Variants in YES1 observed in about 807,000 individuals in gnomAD.
YES1 encodes the protein YES proto-oncogene 1, Src family tyrosine kinase.
In YES1, 39 loss-of-function variants were observed where a neutral mutation model predicts 70.4. That is an observed-to-expected ratio of 0.55 (90% CI 0.43 to 0.72). The LOEUF (loss-of-function observed/expected upper bound fraction) is 0.72, where lower values mean the gene tolerates loss of function less well. YES1 is among the 30% of genes least tolerant of loss of function. The probability of loss-of-function intolerance (pLI) is 0.00; values close to 1 mark genes in which losing one functional copy is unlikely to be tolerated. For synonymous variants in YES1, 198 were observed against 218.6 expected (o/e 0.91, Z 0.83); for missense variants, 495 against 644.8 (o/e 0.77, Z 2.52).
chr18:778,453 C>T lies in YES1; in HGVS notation c.-8-21618G>A, dbSNP rs531851513. Among the ~76,000 whole-genome samples the T allele has an allele frequency of 2.9e-4, 44 of 152,260 alleles. 1 individual carries two copies. The highest frequency in any genetic ancestry group is 1.0e-3 in the African/African-American group (42 of 41,546). On this transcript the variant is annotated intron_variant, in intron 1 of 11. Transcript: ENST00000314574. ...GTTGCCTTATTATTAGTAACAGTGA[C>T]TAAAAATTTTCAAATGATTTAACAC...
upstream of YES1, chr18:812,371 G>C (rs1480768800): frequency 2.0e-5 from 3 of 151,798 alleles, no homozygotes; most frequent in Admixed American, 2.0e-4. Context: ...GCGGGGGCGG[G>C]GGCTGCGGGT....
intron 3 of YES1, among the ~76,000 whole-genome samples, chr18:748,619 T>C (rs1268199186): frequency 1.3e-5 from 2 of 152,214 alleles, no homozygotes; most frequent in Non-Finnish European, 2.9e-5. Context: ...ATGCACCTTA[T>C]ATAAATGAAA....
chr18:792,847 T>A (rs1288748100), intron 1 of YES1, among the ~76,000 whole-genome samples: 3 of 133,530 alleles, frequency 2.2e-5, no homozygotes, highest in Non-Finnish European at 4.7e-5. Flanking sequence ...GTTATTTATC[T>A]CAATAAAAGC....
intron 1 of YES1, among the ~76,000 whole-genome samples, chr18:766,379 CTTGTTA>C (rs769305305): frequency 2.6e-5 from 4 of 152,154 alleles, no homozygotes; most frequent in South Asian, 2.1e-4. Context: ...ATCCTTAAGA[CTTGTTA>C]TTAACACTTT....
chr18:735,551 T>C (rs1489382488), intron 10 of YES1, among the ~76,000 whole-genome samples: 3 of 151,640 alleles, frequency 2.0e-5, no homozygotes, highest in African/African-American at 7.3e-5. Flanking sequence ...CCGTCTCTAC[T>C]GAAAATACAA....
At chr18:800,416 C>A (rs115585926) in intron 1 of YES1, among the ~76,000 whole-genome samples, 18 of 152,276 alleles carry the variant, frequency 1.2e-4, no homozygotes, top group African/African-American at 3.6e-4. Context: ...AACAGCAGTT[C>A]GAAACCTATC....
intron 1 of YES1, among the ~76,000 whole-genome samples, chr18:778,219 G>A (rs1248593940): frequency 1.3e-5 from 2 of 152,222 alleles, no homozygotes; most frequent in Non-Finnish European, 2.9e-5. Context: ...CAGGTCTTCT[G>A]ACTTCTATAC....
At chr18:740,355 C>A (rs1276690248) in intron 8 of YES1, among the ~76,000 whole-genome samples, 1 of 152,128 alleles carries the variant, frequency 6.6e-6, no homozygotes, top group African/African-American at 2.4e-5. Context: ...CACACAAAAC[C>A]AAATTAAGGC....
At chr18:778,947 G>A (rs143112929) in intron 1 of YES1, among the ~76,000 whole-genome samples, 2 of 152,094 alleles carry the variant, frequency 1.3e-5, no homozygotes, top group Non-Finnish European at 2.9e-5. Flanking sequence ...TGCAGGGGTC[G>A]GTAATGGTAC....
chr18:731,210 T>C (rs2080084022), intron 11 of YES1, among the ~76,000 whole-genome samples: 1 of 152,112 alleles, frequency 6.6e-6, no homozygotes, highest in East Asian at 1.9e-4. Context: ...GGTATGAAGA[T>C]GGAAAGACTG....
rs140799361 is a variant in YES1, at chr18:750,622, G to T, written c.371+1083C>A. ...AAGAATAACAAGCAAGTGACAAATT[G>T]TAATTCAAAATGTGATGACAGCTAT... On this transcript the variant is annotated intron_variant, in intron 3 of 11. Coordinates refer to ENST00000314574, the MANE Select transcript of YES1 (RefSeq NM_005433.4). Among the ~76,000 whole-genome samples, 641 of 152,272 alleles carry T rather than the reference G, an allele frequency of 4.2e-3. 3 individuals carry two copies. Among genetic ancestry groups the T allele is most frequent in the African/African-American group, 0.015 (612 of 41,560 alleles).
chr18:792,803 A>T lies in YES1; in HGVS notation c.-9+19311T>A, dbSNP rs568235743. 2.2e-4 allele frequency among the ~76,000 whole-genome samples: 34 copies of T among 151,720 alleles called. 1 individual carries two copies. Among genetic ancestry groups the T allele is most frequent in the Admixed American group, 4.0e-4 (6 of 15,184 alleles). ...TAGAGAGACCTTGTCTTTATTTTTT[A>T]AAAAAATGTAAAAAAGAAAGAAAAA... On this transcript the variant is annotated intron_variant, in intron 1 of 11. Coordinates refer to ENST00000314574, the MANE Select transcript of YES1 (RefSeq NM_005433.4).
intron 11 of YES1, among the ~76,000 whole-genome samples, chr18:729,661 C>T (rs1300458524): frequency 8.4e-6 from 1 of 119,404 alleles, no homozygotes; most frequent in Non-Finnish European, 1.6e-5. Flanking sequence ...GAGTCTCGCT[C>T]TGTCACCCAG....
intron 1 of YES1, 61 bp from the exon 2 acceptor site, chr18:756,896 G>T: frequency 6.8e-7 from 1 of 1,461,454 alleles, no homozygotes; most frequent in Non-Finnish European, 9.2e-7. Flanking sequence ...CAAAAAGACA[G>T]GGTTCAAAAA....
intron 1 of YES1, among the ~76,000 whole-genome samples, chr18:770,969 G>A (rs180933397): frequency 7.3e-5 from 11 of 150,538 alleles, no homozygotes; most frequent in African/African-American, 2.2e-4. Flanking sequence ...AGGTACCACC[G>A]CACTCTGCTC....
At chr18:746,667 A>G (rs2080284780) in intron 4 of YES1, among the ~76,000 whole-genome samples, 1 of 152,240 alleles carries the variant, frequency 6.6e-6, no homozygotes, top group African/African-American at 2.4e-5. Context: ...TAGAGCACCT[A>G]TCATATACAA....
At chr18:805,086 AT>A (rs1320828810) in intron 1 of YES1, among the ~76,000 whole-genome samples, 1 of 152,114 alleles carries the variant, frequency 6.6e-6, no homozygotes, top group Non-Finnish European at 1.5e-5. Context: ...TTTCCTTAAA[AT>A]TTTATCAATA....
intron 1 of YES1, among the ~76,000 whole-genome samples, chr18:774,836 C>T (rs558081016): frequency 2.6e-5 from 4 of 152,276 alleles, no homozygotes; most frequent in African/African-American, 9.6e-5. Context: ...AAAGTCAAAG[C>T]CAAAGTTCCT....
Position 736,971 on chromosome 18 carries a change from A to G in YES1, c.1138-10T>C, listed in dbSNP as rs1463355638. On this transcript the variant is annotated splice_polypyrimidine_tract_variant and intron_variant, in intron 9 of 11. Transcript: ENST00000314574. ...CCATACCATCAGCAATCTTGGAAAG[A>G]GAAAAACAAAAAACACAAGACATAC... is the stretch of plus-strand genomic sequence containing the variant. 6.3e-7 allele frequency: 1 copy of G among 1,598,256 alleles called. No individual in the cohort carries two copies. Among genetic ancestry groups the G allele is most frequent in the Non-Finnish European group, 8.5e-7 (1 of 1,176,542 alleles).
Sources: allele counts gnomAD v4.1 joint callset (sites outside exome capture counted in the v4.1 genomes callset), GRCh38; gene constraint gnomAD v4.1.1; transcripts MANE v1.5; gene names NCBI Gene and HGNC (gene_info 2026-07-23, HGNC 2026-07-21).